Variants in ZSCAN29 observed in about 807,000 individuals in gnomAD.
ZSCAN29 encodes the protein zinc finger and SCAN domain containing 29.
In ZSCAN29, 55 loss-of-function variants were observed where a neutral mutation model predicts 71.9. That is an observed-to-expected ratio of 0.76 (90% confidence interval 0.62 to 0.96). The LOEUF (loss-of-function observed/expected upper bound fraction) is 0.96. ZSCAN29 is among the 40% of genes least tolerant of loss of function. The pLI, the probability that ZSCAN29 is intolerant of heterozygous loss-of-function variation, is 0.00. For synonymous variants in ZSCAN29, 351 were observed against 371.6 expected (o/e 0.94, Z 0.64); for missense variants, 1,042 against 1,042.2 (o/e 1.00, Z 0.00).
In ZSCAN29 at chr15:43,371,009, T is replaced by A; in HGVS notation, c.-564A>T. ...CCGGCCCCGGCCCCGGCCCCGGCTC[T>A]CCAGCCTCCCAAGTACAGCTCCCAA... On this transcript the variant is annotated 5_prime_UTR_variant, in exon 1 of 6. Coordinates refer to ENST00000684362, the MANE Select transcript of ZSCAN29 (RefSeq NM_001372080.1). 4.8e-6 allele frequency: 1 copy of A among 207,744 alleles called. No individual in the cohort carries two copies. The highest frequency in any genetic ancestry group is 1.0e-5 in the Non-Finnish European group (1 of 99,278). 12.9% of individuals were successfully genotyped at this position (207,744 alleles called of 1,614,324 possible). A position where few individuals can be genotyped will look rare whatever the true frequency, so the allele number is the denominator to read the frequency against.
At chr15:43,365,166 C>T (rs543332374) in intron 4 of ZSCAN29, among the ~76,000 whole-genome samples, 2 of 152,232 alleles carry the variant, frequency 1.3e-5, no homozygotes, top group South Asian at 4.1e-4. Context: ...GCGATGTAGT[C>T]CTCCTGCTTT....
rs971371392 is a variant in ZSCAN29 at position 43,366,901 on chromosome 15, A to T, written c.524-93T>A. The stretch of plus-strand genomic sequence containing the variant: ...AGTCCTGCCTTTTTCATCCAAGAGG[A>T]TTATAAACAAAGTGTCTAGGGAAAT... On this transcript the variant is annotated intron_variant, in intron 3 of 5. Coordinates refer to ENST00000684362, the MANE Select transcript of ZSCAN29 (RefSeq NM_001372080.1). The T allele has an allele frequency of 2.4e-6, 3 of 1,228,080 alleles. No individual in the cohort carries two copies. In the East Asian group the frequency reaches 7.1e-5, roughly 29 times the overall value. The allele number at this position is 1,228,080 out of a possible 1,614,324, so 76.1% of individuals were successfully genotyped here.
Position 43,361,812 on chromosome 15 carries a change from T to C in ZSCAN29, c.1820A>G (p.Asn607Ser), listed in dbSNP as rs138379738. 68 of 1,614,178 alleles carry C rather than the reference T, an allele frequency of 4.2e-5. No individual in the cohort carries two copies. The African/African-American group carries it at 6.5e-4, about 15-fold the overall frequency. Residue 607 changes from asparagine to serine, a missense_variant, in exon 6 of 6, where the codon AAT (asparagine) becomes AGT (serine). Coordinates refer to ENST00000684362, the MANE Select transcript of ZSCAN29 (RefSeq NM_001372080.1). The part of the protein sequence containing the change: ...IPRYLHQGKG[N>S]ESDCRSGRQW... ...TCTTCCTGATCTACAGTCACTCTCA[T>C]TGCCTTTACCCTGATGAAGATACCG...
In ZSCAN29 at chr15:43,366,816, CA is replaced by C; in HGVS notation, c.524-9del. On this transcript the variant is annotated splice_polypyrimidine_tract_variant and intron_variant, in intron 3 of 5. Coordinates refer to ENST00000684362, the MANE Select transcript of ZSCAN29 (RefSeq NM_001372080.1). The stretch of plus-strand genomic sequence containing the variant: ...ATTTAGGAAATGGCAATCCTGCTTG[CA>C]GGGAAACAAACAAAAGTTGTCATAG... 1 of 1,597,008 alleles carries C rather than the reference CA, an allele frequency of 6.3e-7. No individual in the cohort carries two copies. The highest frequency in any genetic ancestry group is 1.1e-5 in the South Asian group (1 of 88,156).
At position 43,361,465 on chromosome 15, in the gene ZSCAN29, T is replaced by A. The variant is rs2043979675; in HGVS notation, c.2167A>T (p.Thr723Ser). Residue 723 changes from threonine (T) to serine (S), a missense_variant, in exon 6 of 6, where the codon ACC becomes TCC. By Grantham distance (58) the Thr-to-Ser change is moderately conservative. Coordinates refer to ENST00000684362, the MANE Select transcript of ZSCAN29 (RefSeq NM_001372080.1). ...KSFRDSSNFI[T>S]HRRIHTGEKP... ...TCTCCTGTGTGGATTCTCCTATGGG[T>A]GATGAAATTTGAACTGTCACGGAAA... 2 of 1,613,476 alleles carry A rather than the reference T, an allele frequency of 1.2e-6. No individual in the cohort carries two copies. Among genetic ancestry groups the A allele is most frequent in the Non-Finnish European group, 1.7e-6 (2 of 1,179,512 alleles).
Position 43,361,094 on chromosome 15 carries a change from C to G in ZSCAN29, c.2538G>C (p.Leu846=), listed in dbSNP as rs1432166262. The G allele has an allele frequency of 6.2e-7, 1 of 1,602,446 alleles. No individual in the cohort carries two copies. The highest frequency in any genetic ancestry group is 8.5e-7 in the Non-Finnish European group (1 of 1,171,472). Residue 846 remains leucine (L), a synonymous_variant, in exon 6 of 6, where the codon CTG becomes CTC. Transcript: ENST00000684362. The part of the protein sequence containing the change: ...HGEIHAREKL[L]TQSAPK ...GGGCTTACTTGGGAGCTGACTGTGT[C>G]AGAAGCTTTTCCCGTGCATGGATTT... is the stretch of plus-strand genomic sequence containing the variant.
At position 43,368,315 on chromosome 15, in the gene ZSCAN29, A is replaced by C. The variant is rs1210303449; in HGVS notation, c.523+608T>G. Among the ~76,000 whole-genome samples, 13 of 54,054 alleles carry C rather than the reference A, an allele frequency of 2.4e-4. 3 individuals are homozygous for C. The East Asian group carries it at 8.4e-3, about 35-fold the overall frequency. 35.5% of individuals were successfully genotyped at this position (54,054 alleles called of 152,430 possible). Reference sequence around the variant, plus strand: ...CCGAGGCGGGCGGATCACGAGGTCAAGAGATCGAGACCATCCCGGCTAAAA... The same window carrying C: ...CCGAGGCGGGCGGATCACGAGGTCACGAGATCGAGACCATCCCGGCTAAAA... On this transcript the variant is annotated intron_variant, in intron 3 of 5. Transcript: ENST00000684362.
intron 5 of ZSCAN29, among the ~76,000 whole-genome samples, chr15:43,363,065 C>G (rs2043998712): frequency 1.3e-5 from 2 of 151,984 alleles, no homozygotes; most frequent in Admixed American, 6.6e-5. Context: ...GCAACCTCTG[C>G]CTCCCAGGTT....
In ZSCAN29 at chr15:43,369,972, T is replaced by C. The variant is rs955998346; in HGVS notation, c.-59A>G. On this transcript the variant is annotated 5_prime_UTR_variant, in exon 2 of 6. Transcript: ENST00000684362. The stretch of plus-strand genomic sequence containing the variant: ...GTCTGGGTTCCAGGGCTTACATCTA[T>C]CTTCCCATGTCCTTGGAGAATCCCC... 5 of 1,492,580 alleles carry C rather than the reference T, an allele frequency of 3.3e-6. No homozygotes were observed. The African/African-American group carries it at 7.0e-5, about 21-fold the overall frequency. The allele number at this position is 1,492,580 out of a possible 1,614,324, so 92.5% of individuals were successfully genotyped here.
chr15:43,366,652 C>T lies in ZSCAN29; in HGVS notation c.680G>A (p.Arg227Lys). 1 of 1,614,226 alleles carries T rather than the reference C, an allele frequency of 6.2e-7. No homozygotes were observed. Among genetic ancestry groups the T allele is most frequent in the Non-Finnish European group, 8.5e-7 (1 of 1,180,034 alleles). The change falls in exon 4 of 6, where the codon AGA becomes AAA. Residue 227 changes from arginine to lysine, a missense_variant. Coordinates refer to ENST00000684362, the MANE Select transcript of ZSCAN29 (RefSeq NM_001372080.1). ...GTGATCCTGTTCCACCCAGCTTCTT[C>T]TATCTTTCTTGGATGGTAACAGATC... ...HADLLPSKKD[R>K]RSWVEQDHWS...
In ZSCAN29 at chr15:43,364,312, G is replaced by A; in HGVS notation, c.1293C>T (p.Ala431=). 6.2e-7 allele frequency: 1 copy of A among 1,614,096 alleles called. No individual in the cohort carries two copies. Among genetic ancestry groups the A allele is most frequent in the Non-Finnish European group, 8.5e-7 (1 of 1,180,026 alleles). ...GGCTGTTGCGGTGACAGTTCCGGAG[G>A]GCTTCATAAAACTGGGTCTCACTAA... The part of the protein sequence containing the change: ...AILSETQFYE[A]LRNCHRNSQL... The change falls in exon 5 of 6, where the codon GCC becomes GCT. Residue 431 remains alanine, a synonymous_variant. Coordinates refer to ENST00000684362, the MANE Select transcript of ZSCAN29 (RefSeq NM_001372080.1).
chr15:43,362,929 T>C (rs2043996325), intron 5 of ZSCAN29, among the ~76,000 whole-genome samples: 1 of 152,156 alleles, frequency 6.6e-6, no homozygotes, highest in African/African-American at 2.4e-5. Context: ...CTGTGCACAG[T>C]ACCTCATTTA....
rs903746526 is a variant in ZSCAN29, at chr15:43,360,940, C to G, written c.*133G>C. The G allele has an allele frequency of 4.0e-6, 5 of 1,260,600 alleles. No individual in the cohort carries two copies. In the African/African-American group the frequency reaches 6.0e-5, roughly 15 times the overall value. The allele number at this position is 1,260,600 out of a possible 1,614,324, so 78.1% of individuals were successfully genotyped here. Reference sequence around the variant, plus strand: ...AGTCTAGATCAGGAAAAACAAGGAACAAACAGTGGCATAAATCCTAAAGTG... The same window carrying G: ...AGTCTAGATCAGGAAAAACAAGGAAGAAACAGTGGCATAAATCCTAAAGTG... On this transcript the variant is annotated 3_prime_UTR_variant, in exon 6 of 6. Coordinates refer to ENST00000684362, the MANE Select transcript of ZSCAN29 (RefSeq NM_001372080.1).
At chr15:43,363,548 A>G (rs1048579868) in intron 5 of ZSCAN29, among the ~76,000 whole-genome samples, 3 of 152,258 alleles carry the variant, frequency 2.0e-5, no homozygotes, top group Middle Eastern at 3.2e-3. Flanking sequence ...AAGAAGACAT[A>G]TAAAAGAGAA....
At chr15:43,363,579 C>T (rs1490605138) in intron 5 of ZSCAN29, among the ~76,000 whole-genome samples, 1 of 152,200 alleles carries the variant, frequency 6.6e-6, no homozygotes, top group Non-Finnish European at 1.5e-5. Context: ...AAATCAACTT[C>T]ATCCTACCGT....
At chr15:43,366,958 T>C (rs934357246) in intron 3 of ZSCAN29, 150 bp from the exon 4 acceptor site, 2 of 722,178 alleles carry the variant, frequency 2.8e-6, no homozygotes, top group African/African-American at 1.8e-5. Context: ...CTGAAAAAGG[T>C]GGGGAAAATA....
chr15:43,369,626 T>TA lies in ZSCAN29; in HGVS notation c.287dup (p.Leu96PhefsTer9). On this transcript the variant is annotated frameshift_variant, in exon 2 of 6. Transcript: ENST00000684362. LOFTEE classifies it high-confidence loss of function. Reference sequence around the variant, plus strand: ...ATCTAGGTCTTCCAGGCTCTCTTTCTAAATCTTCCACGAGAGTCACTGCCT... The same window carrying TA: ...ATCTAGGTCTTCCAGGCTCTCTTTCTAAAATCTTCCACGAGAGTCACTGCCT... The TA allele has an allele frequency of 1.2e-6, 2 of 1,613,796 alleles. No individual in the cohort carries two copies. Among genetic ancestry groups the TA allele is most frequent in the Non-Finnish European group, 1.7e-6 (2 of 1,179,756 alleles).
chr15:43,370,034 G>A lies in ZSCAN29; in HGVS notation c.-112-9C>T. 9.9e-7 allele frequency: 1 copy of A among 1,011,728 alleles called. No homozygotes were observed. The highest frequency in any genetic ancestry group is 1.4e-6 in the Non-Finnish European group (1 of 702,020). 62.7% of individuals were successfully genotyped at this position (1,011,728 alleles called of 1,614,324 possible). ...GTAAGAGGTGTTTCTTCCTAGGGCA[G>A]AGAAAGATGGCACTATCAGAAGGAA... On this transcript the variant is annotated splice_polypyrimidine_tract_variant and intron_variant, in intron 1 of 5. Transcript: ENST00000684362.
Position 43,361,602 on chromosome 15 carries a change from G to A in ZSCAN29, c.2030C>T (p.Pro677Leu). ...MHQVSHQVEN[P>L]YKCADCGKSF... ...TTTCCCACAATCAGCACATTTATAT[G>A]GATTTTCCACCTGGTGGGATACCTG... is the stretch of plus-strand genomic sequence containing the variant. The change falls in exon 6 of 6, where the codon CCA becomes CTA. Residue 677 changes from proline (P) to leucine (L), a missense_variant. Physicochemically the swap from Pro to Leu is moderately conservative, Grantham distance 98. Transcript: ENST00000684362. 6.2e-7 allele frequency: 1 copy of A among 1,614,142 alleles called. No individual in the cohort carries two copies. The highest frequency in any genetic ancestry group is 8.5e-7 in the Non-Finnish European group (1 of 1,180,024).
Sources: gnomAD v4.1 joint callset for allele counts (sites outside exome capture counted in the v4.1 genomes callset) on GRCh38, gnomAD v4.1.1 for gene constraint, MANE v1.5 for transcripts, NCBI Gene and HGNC (gene_info 2026-07-23, HGNC 2026-07-21) for gene names.